Variants in ADK observed in about 807,000 individuals in gnomAD.
ADK encodes the protein adenosine kinase.
A neutral mutation model predicts 44.7 loss-of-function variants in ADK; 24 were observed. The ratio of observed to expected loss-of-function variants is 0.54; its 90% CI spans 0.39 to 0.76. The LOEUF is 0.76. Ranked by LOEUF, ADK falls within the 30% of genes least tolerant of loss-of-function variation. The probability of loss-of-function intolerance (pLI) is 0.00; values close to 1 mark genes in which losing one functional copy is unlikely to be tolerated. For synonymous variants in ADK, 128 were observed against 142.6 expected (o/e 0.90, Z 0.73); for missense variants, 321 against 425.1 (o/e 0.76, Z 2.15).
rs143060211 is a variant in ADK, at chr10:74,632,350, A to G, written c.877+31857A>G. On this transcript the variant is annotated intron_variant, in intron 9 of 10. Transcript: ENST00000539909. ...GGTTTATTCATTTCCTAGGGCTGCC[A>G]TAACAAATTACCACAAAGTGAGTGG... Among the ~76,000 whole-genome samples, 8 of 152,308 alleles carry G rather than the reference A, an allele frequency of 5.3e-5. No individual in the cohort carries two copies. The East Asian group carries it at 1.5e-3, about 29-fold the overall frequency.
intron 3 of ADK, among the ~76,000 whole-genome samples, chr10:74,305,134 T>G (rs1053511444): frequency 6.6e-6 from 1 of 152,192 alleles, no homozygotes; most frequent in South Asian, 2.1e-4. Flanking sequence ...CTCTCTTGTT[T>G]AGGGAATAAT....
At chr10:74,514,773 G>T (rs1848495264) in intron 6 of ADK, among the ~76,000 whole-genome samples, 1 of 151,920 alleles carries the variant, frequency 6.6e-6, no homozygotes, top group East Asian at 1.9e-4. Context: ...TTTGGAGTCT[G>T]TTACTAGATA....
At chr10:74,520,473 T>C (rs999036000) in intron 6 of ADK, among the ~76,000 whole-genome samples, 10 of 151,954 alleles carry the variant, frequency 6.6e-5, no homozygotes, top group African/African-American at 2.4e-4. Flanking sequence ...CACATACACA[T>C]ACACATACCC....
intron 7 of ADK, among the ~76,000 whole-genome samples, chr10:74,530,985 C>T (rs1234315871): frequency 1.3e-5 from 2 of 151,996 alleles, no homozygotes; most frequent in Non-Finnish European, 1.5e-5. Context: ...GAGTTGGAGC[C>T]GGAAGTTCAA....
intron 4 of ADK, among the ~76,000 whole-genome samples, chr10:74,338,537 T>C (rs932791340): frequency 1.3e-5 from 2 of 152,138 alleles, no homozygotes; most frequent in African/African-American, 4.8e-5. Flanking sequence ...AACAGGTGAA[T>C]AGATAAACAA....
intron 6 of ADK, among the ~76,000 whole-genome samples, chr10:74,494,462 T>C (rs553139964): frequency 6.6e-6 from 1 of 152,310 alleles, no homozygotes; most frequent in Admixed American, 6.5e-5. Flanking sequence ...TTTACAACTT[T>C]TAGTTTCTCC....
At chr10:74,336,062 A>G (rs1031160590) in intron 4 of ADK, among the ~76,000 whole-genome samples, 6 of 152,162 alleles carry the variant, frequency 3.9e-5, no homozygotes, top group Admixed American at 6.5e-5. Context: ...CTTTTGTGTC[A>G]TATAAGAACT....
At chr10:74,257,528 A>G (rs1845873218) in intron 3 of ADK, among the ~76,000 whole-genome samples, 1 of 152,230 alleles carries the variant, frequency 6.6e-6, no homozygotes, top group Non-Finnish European at 1.5e-5. Flanking sequence ...TTATAATTTT[A>G]TATCAATTGA....
At chr10:74,509,130 T>C (rs1424683520) in intron 6 of ADK, among the ~76,000 whole-genome samples, 1 of 152,170 alleles carries the variant, frequency 6.6e-6, no homozygotes, top group Non-Finnish European at 1.5e-5. Flanking sequence ...GGGCCTGGCT[T>C]AGTTTACTGC....
intron 6 of ADK, among the ~76,000 whole-genome samples, chr10:74,442,421 G>A (rs999403862): frequency 6.6e-6 from 1 of 152,154 alleles, no homozygotes; most frequent in Non-Finnish European, 1.5e-5. Flanking sequence ...CGAAGTGGGC[G>A]GATCACTTGA....
intron 2 of ADK, among the ~76,000 whole-genome samples, chr10:74,212,334 A>C (rs925814653): frequency 1.3e-5 from 2 of 152,198 alleles, no homozygotes; most frequent in African/African-American, 4.8e-5. Flanking sequence ...TTTTTGGAGC[A>C]TATGTTTTAT....
At chr10:74,694,147 A>ATTTTTTTTTTTTTTTTTTTTT (rs10669118) in intron 10 of ADK, among the ~76,000 whole-genome samples, 4 of 82,304 alleles carry the variant, frequency 4.9e-5, no homozygotes, top group East Asian at 4.3e-4. Flanking sequence ...TTTCAAACAC[A>ATTTTTTTTTTTTTTTTTTTTT]TTTTTTTTTT....
intron 4 of ADK, among the ~76,000 whole-genome samples, chr10:74,382,160 G>A (rs1293635289): frequency 1.3e-5 from 2 of 152,120 alleles, no homozygotes; most frequent in African/African-American, 2.4e-5. Flanking sequence ...TGCAAGTGAT[G>A]TAATCTTGGC....
At chr10:74,301,871 A>G (rs963434084) in intron 3 of ADK, among the ~76,000 whole-genome samples, 1 of 152,022 alleles carries the variant, frequency 6.6e-6, no homozygotes, top group Admixed American at 6.5e-5. Flanking sequence ...CGAAAATACT[A>G]AAAATACTCA....
chr10:74,200,705 C>A, intron 1 of ADK, 59 bp from the exon 2 acceptor site: 1 of 1,132,616 alleles, frequency 8.8e-7, no homozygotes. Context: ...TTTTGTGTAC[C>A]TTTTACATAT....
intron 4 of ADK, among the ~76,000 whole-genome samples, chr10:74,328,084 T>G (rs941176297): frequency 2.0e-5 from 3 of 152,108 alleles, no homozygotes; most frequent in Non-Finnish European, 4.4e-5. Flanking sequence ...AATTTTTGTA[T>G]TTTTAGTAGA....
At chr10:74,527,654 C>T (rs976727468) in intron 7 of ADK, 4 of 891,572 alleles carry the variant, frequency 4.5e-6, no homozygotes, top group African/African-American at 3.3e-5. Context: ...AATATTTTGG[C>T]ATCTTCAGCC....
At chr10:74,667,266 A>G (rs1448954122) in intron 9 of ADK, among the ~76,000 whole-genome samples, 1 of 152,162 alleles carries the variant, frequency 6.6e-6, no homozygotes. Context: ...GTAGTTCTTT[A>G]GATAATAGAA....
intron 9 of ADK, among the ~76,000 whole-genome samples, chr10:74,616,709 A>G (rs1449311661): frequency 6.6e-6 from 1 of 152,132 alleles, no homozygotes; most frequent in African/African-American, 2.4e-5. Context: ...TTGCATTTCT[A>G]CTTAAATTCT....
Sources: gnomAD v4.1 joint callset for allele counts (sites outside exome capture counted in the v4.1 genomes callset) on GRCh38, gnomAD v4.1.1 for gene constraint, MANE v1.5 for transcripts, NCBI Gene and HGNC (gene_info 2026-07-23, HGNC 2026-07-21) for gene names.